Variants in SP140 observed in about 807,000 individuals in gnomAD.
SP140 encodes nuclear body protein SP140.
A neutral mutation model predicts 125.0 loss-of-function variants in SP140; 81 were observed. The ratio of observed to expected loss-of-function variants is 0.65; its 90% CI spans 0.54 to 0.78. The LOEUF is 0.78. Among genes scored for constraint, SP140 ranks in the 30% least tolerant of loss-of-function variants. The pLI is 0.00. For missense variants in SP140, 858 were observed against 1,037.0 expected (o/e 0.83, Z 2.37); for synonymous variants, 312 against 354.0 (o/e 0.88, Z 1.33).
chr2:230,186,252 G>A, the SP140 span: 1 of 1,070,626 alleles, frequency 9.3e-7, no homozygotes, highest in Non-Finnish European at 1.4e-6. Flanking sequence ...CTCTTTTCTT[G>A]TGTGTATCTT....
At chr2:230,287,645 G>A (rs1054362209) in intron 17 of SP140, among the ~76,000 whole-genome samples, 4 of 152,084 alleles carry the variant, frequency 2.6e-5, no homozygotes, top group Non-Finnish European at 5.9e-5. Context: ...TTTTGCTTGA[G>A]ATATACGTGA....
At chr2:230,300,686 G>T (rs1046619261) in intron 22 of SP140, among the ~76,000 whole-genome samples, 3 of 152,170 alleles carry the variant, frequency 2.0e-5, no homozygotes, top group African/African-American at 7.2e-5. Context: ...CTCTAACGTA[G>T]TCTACCCAAG....
intron 22 of SP140, among the ~76,000 whole-genome samples, chr2:230,299,695 G>A (rs1171956448): frequency 6.6e-6 from 1 of 152,128 alleles, no homozygotes; most frequent in African/African-American, 2.4e-5. Context: ...TCTCAATGGG[G>A]GTGCTTCTTC....
intron 12 of SP140, among the ~76,000 whole-genome samples, chr2:230,265,094 G>C (rs1290098034): frequency 6.6e-6 from 1 of 151,956 alleles, no homozygotes; most frequent in African/African-American, 2.4e-5. Flanking sequence ...GGTGGGGGAG[G>C]GGCTAGGCAT....
chr2:230,241,509 A>G, intron 4 of SP140, 22 bp downstream of exon 4: 2 of 1,378,260 alleles, frequency 1.5e-6, no homozygotes, highest in Non-Finnish European at 2.1e-6. Flanking sequence ...TTAGCTGATC[A>G]ATGCCCTTAT....
At chr2:230,217,565 A>G (rs2045357616) in intron 3 of SP140, among the ~76,000 whole-genome samples, 1 of 152,206 alleles carries the variant, frequency 6.6e-6, no homozygotes. Context: ...TTTCATATGC[A>G]GTAACTTATC....
intron 3 of SP140, chr2:230,238,828 A>G (rs1020020545): frequency 3.9e-6 from 6 of 1,555,278 alleles, no homozygotes; most frequent in Non-Finnish European, 5.2e-6. Flanking sequence ...GAAGTCACGA[A>G]GAGAGCCTAG....
At chr2:230,192,556 AC>A in the SP140 span, among the ~76,000 whole-genome samples, 1 of 152,166 alleles carries the variant, frequency 6.6e-6, no homozygotes, top group African/African-American at 2.4e-5. Flanking sequence ...AGAATAAAAT[AC>A]CTAGGAATAC....
chr2:230,285,817 C>T lies in SP140; in HGVS notation c.1630C>T (p.Leu544Phe), dbSNP rs1575210920. 1 of 1,612,978 alleles carries T rather than the reference C, an allele frequency of 6.2e-7. No homozygotes were observed. Among genetic ancestry groups the T allele is most frequent in the Non-Finnish European group, 8.5e-7 (1 of 1,178,986 alleles). ...EKKANVNLKD[L>F]SKIRGRKRGK... ...GAAGGCGAACGTGAATCTGAAAGAC[C>T]TTTCCAAGATTAGGGGTAAGATAAA... is the stretch of plus-strand genomic sequence containing the variant. The change falls in exon 17 of 27, where the codon CTT (leucine) becomes TTT (phenylalanine). Residue 544 changes from leucine (L) to phenylalanine (F), a missense_variant. By Grantham distance (22) the Leu-to-Phe change is conservative. Around this residue, in one of 4 missense-constraint regions of SP140, gnomAD observed 791 missense variants for 869.5 expected, o/e 0.91. Transcript: ENST00000392045.
upstream of SP140, among the ~76,000 whole-genome samples, chr2:230,222,866 T>A: frequency 6.8e-6 from 1 of 147,776 alleles, no homozygotes. Context: ...TTTTTATCAA[T>A]GAAGGCACAT....
At chr2:230,312,221 T>TA (rs1162369657) in intron 26 of SP140, among the ~76,000 whole-genome samples, 1 of 152,254 alleles carries the variant, frequency 6.6e-6, no homozygotes, top group Non-Finnish European at 1.5e-5. Context: ...AAGTTACTCT[T>TA]AGCTGCATGA....
intron 12 of SP140, among the ~76,000 whole-genome samples, chr2:230,267,552 T>A (rs1005493925): frequency 9.2e-5 from 14 of 152,200 alleles, no homozygotes; most frequent in African/African-American, 3.1e-4. Flanking sequence ...ACTTTGGACA[T>A]GACAAAACCT....
At chr2:230,231,196 A>G (rs1180699273) in intron 1 of SP140, among the ~76,000 whole-genome samples, 1 of 152,234 alleles carries the variant, frequency 6.6e-6, no homozygotes, top group Non-Finnish European at 1.5e-5. Context: ...TAACATATTA[A>G]CTAACCATAG....
At chr2:230,314,861 A>G (rs1328387891), downstream of SP140, among the ~76,000 whole-genome samples, 1 of 152,234 alleles carries the variant, frequency 6.6e-6, no homozygotes, top group African/African-American at 2.4e-5. Flanking sequence ...GAATAATGCT[A>G]GGGATGTTTT....
intron 3 of SP140, among the ~76,000 whole-genome samples, chr2:230,217,210 C>A (rs1161251110): frequency 1.4e-5 from 2 of 144,878 alleles, no homozygotes; most frequent in Admixed American, 7.1e-5. Flanking sequence ...TGTGCCACTG[C>A]ACTCCAGCCT....
chr2:230,278,511 T>A (rs2055049310), intron 15 of SP140, among the ~76,000 whole-genome samples: 2 of 152,054 alleles, frequency 1.3e-5, no homozygotes, highest in South Asian at 4.1e-4. Flanking sequence ...GTGATGTAGG[T>A]CCACTTGTTT....
At chr2:230,288,469 CT>C (rs761145670) in intron 18 of SP140, among the ~76,000 whole-genome samples, 1 of 97,800 alleles carries the variant, frequency 1.0e-5, no homozygotes, top group Admixed American at 9.5e-5. Context: ...TTCTTTCTTT[CT>C]TTCTTTCTTT....
intron 22 of SP140, among the ~76,000 whole-genome samples, chr2:230,308,014 C>G (rs1191248922): frequency 1.1e-4 from 15 of 133,360 alleles, no homozygotes; most frequent in South Asian, 9.6e-4. Context: ...CACACACACA[C>G]ACAGAGACAC....
At chr2:230,207,854 T>A (rs41309106) in intron 1 of SP140, 2 of 659,126 alleles carry the variant, frequency 3.0e-6, no homozygotes, top group African/African-American at 1.8e-5. Context: ...GAGCTTACAT[T>A]GTGTCACTTC....
Sources: gnomAD v4.1 joint callset for allele counts (sites outside exome capture counted in the v4.1 genomes callset) on GRCh38, gnomAD v4.1.1 for gene constraint, gnomAD v4.1.1 regional missense constraint, MANE v1.5 for transcripts, NCBI Gene and HGNC (gene_info 2026-07-23, HGNC 2026-07-21) for gene names.